Variants in BTAF1 observed in about 807,000 individuals in gnomAD.
BTAF1 encodes B-TFIID TATA-box binding protein associated factor 1, also known as TATA-binding protein-associated factor 172.
Under a neutral mutation model 227.1 loss-of-function variants are expected in BTAF1, and 38 were observed. The observed-to-expected ratio is 0.17, with a 90% CI of 0.13 to 0.22. The LOEUF (loss-of-function observed/expected upper bound fraction) is 0.22. Among genes scored for constraint, BTAF1 ranks in the 10% least tolerant of loss-of-function variants. BTAF1 has a pLI of 1.00. For missense variants in BTAF1, 1,598 were observed against 2,204.0 expected, an observed-to-expected ratio of 0.73 and a Z score of 5.51; for synonymous variants, 742 against 751.9, an observed-to-expected ratio of 0.99 and a Z score of 0.21.
At chr10:91,934,090 A>G (rs1734356552) in intron 1 of BTAF1, among the ~76,000 whole-genome samples, 1 of 152,232 alleles carries the variant, frequency 6.6e-6, no homozygotes, top group African/African-American at 2.4e-5. Context: ...TATGGTGTCA[A>G]AAGATTGGAT....
At chr10:91,976,082 C>T (rs1360049263) in intron 14 of BTAF1, among the ~76,000 whole-genome samples, 1 of 152,176 alleles carries the variant, frequency 6.6e-6, no homozygotes, top group Non-Finnish European at 1.5e-5. Flanking sequence ...AACTGGGTTC[C>T]CCTGACCCTC....
At chr10:91,945,989 T>C (rs1276841716) in intron 4 of BTAF1, among the ~76,000 whole-genome samples, 2 of 152,242 alleles carry the variant, frequency 1.3e-5, no homozygotes, top group Non-Finnish European at 2.9e-5. Flanking sequence ...ATGGATATGA[T>C]GTGGTAGTAT....
chr10:91,937,611 T>C (rs1844721338), intron 2 of BTAF1, among the ~76,000 whole-genome samples: 1 of 152,236 alleles, frequency 6.6e-6, no homozygotes, highest in Non-Finnish European at 1.5e-5. Context: ...TATTGTAGCA[T>C]GTATATTCAT....
chr10:91,971,960 A>C (rs1847336534), intron 14 of BTAF1, among the ~76,000 whole-genome samples: 1 of 152,132 alleles, frequency 6.6e-6, no homozygotes, highest in African/African-American at 2.4e-5. Context: ...GTCATAAAAA[A>C]TTTAAGTTAT....
chr10:91,936,972 C>T (rs906215185), intron 2 of BTAF1, among the ~76,000 whole-genome samples: 16 of 151,800 alleles, frequency 1.1e-4, no homozygotes, highest in South Asian at 2.1e-4. Flanking sequence ...CCTTTTTCCT[C>T]GGCTGTCAGC....
At position 91,989,483 on chromosome 10, in the gene BTAF1, T is replaced by C. The variant is rs375535159; in HGVS notation, c.2757T>C (p.Ile919=). Residue 919 remains isoleucine (I), a synonymous_variant, in exon 20 of 38, where the codon ATT becomes ATC. Coordinates refer to ENST00000265990, the MANE Select transcript of BTAF1 (RefSeq NM_003972.3). The part of the protein sequence containing the change: ...TTRTPCPNSK[I]IKNLCSSLCV... ...GGACGCCCTGTCCCAATTCAAAAATTATTAAAAACCTCTGTAGCTCACTTT... is the reference window on the plus strand; with the variant it reads ...GGACGCCCTGTCCCAATTCAAAAATCATTAAAAACCTCTGTAGCTCACTTT... 3.3e-5 allele frequency: 54 copies of C among 1,613,834 alleles called. No homozygotes were observed. Among genetic ancestry groups the C allele is most frequent in the Non-Finnish European group, 4.3e-5 (51 of 1,180,048 alleles).
At chr10:91,950,751 G>T (rs1589788738) in intron 4 of BTAF1, among the ~76,000 whole-genome samples, 2 of 150,818 alleles carry the variant, frequency 1.3e-5, no homozygotes, top group South Asian at 2.1e-4. Flanking sequence ...AAATCTAGAT[G>T]TTTTTTTAGC....
chr10:91,998,712 C>G (rs529773456), intron 25 of BTAF1, among the ~76,000 whole-genome samples: 1 of 152,202 alleles, frequency 6.6e-6, no homozygotes, highest in South Asian at 2.1e-4. Context: ...TTTGTTTATC[C>G]TGTCACCAGT....
rs1162936600 is a variant in BTAF1, at chr10:92,009,351, T to C, written c.4103+143T>C. 5 of 896,218 alleles carry C rather than the reference T, an allele frequency of 5.6e-6. No individual in the cohort carries two copies. The East Asian group carries it at 1.4e-4, about 24-fold the overall frequency. 55.5% of individuals were successfully genotyped at this position (896,218 alleles called of 1,614,324 possible). A position where few individuals can be genotyped will look rare whatever the true frequency, so the allele number is the denominator to read the frequency against. On this transcript the variant is annotated intron_variant, in intron 28 of 37. Coordinates refer to ENST00000265990, the MANE Select transcript of BTAF1 (RefSeq NM_003972.3). ...TTCACTTATGAAAAGTGAATGTACT[T>C]TGGGAAGATATAATCAGTGAGGCTC... is the stretch of plus-strand genomic sequence containing the variant.
chr10:91,964,492 A>G (rs1846740877), intron 13 of BTAF1, among the ~76,000 whole-genome samples: 1 of 152,158 alleles, frequency 6.6e-6, no homozygotes, highest in South Asian at 2.1e-4. Context: ...TAGTATTTCC[A>G]GTTCTAGTCC....
At chr10:91,965,301 G>A (rs559053624) in intron 13 of BTAF1, among the ~76,000 whole-genome samples, 1 of 152,266 alleles carries the variant, frequency 6.6e-6, no homozygotes, top group African/African-American at 2.4e-5. Flanking sequence ...TGTAAATCAA[G>A]GATTGGTAAT....
rs1849154510 is a variant in BTAF1 at position 91,996,467 on chromosome 10, A to T, written c.3408A>T (p.Ile1136=). Residue 1136 remains isoleucine (I), a synonymous_variant, in exon 24 of 38, where the codon ATA becomes ATT. Coordinates refer to ENST00000265990, the MANE Select transcript of BTAF1 (RefSeq NM_003972.3). ...GTTGTGTAGGTGTCATGAGCAAAAT[A>T]GCTACCATGGAAACAATGAATATTT... The part of the protein sequence containing the change: ...AARCVGVMSK[I]ATMETMNIFL... The T allele has an allele frequency of 1.2e-6, 2 of 1,614,184 alleles. No individual in the cohort carries two copies. The highest frequency in any genetic ancestry group is 4.5e-5 in the East Asian group (2 of 44,886).
rs1279870035 is a variant in BTAF1 at position 92,000,537 on chromosome 10, T to G, written c.3660+2786T>G. Among the ~76,000 whole-genome samples, 4 of 152,254 alleles carry G rather than the reference T, an allele frequency of 2.6e-5. No homozygotes were observed. In the East Asian group the frequency reaches 7.7e-4, roughly 29 times the overall value. On this transcript the variant is annotated intron_variant, in intron 25 of 37. Transcript: ENST00000265990. ...ACTCTAATGCTTAGCAGTAGTCTTT[T>G]GGGGTTTTCTTGGTTGTTTTTTGTT...
chr10:92,001,641 C>T lies in BTAF1; in HGVS notation c.3660+3890C>T, dbSNP rs536983892. On this transcript the variant is annotated intron_variant, in intron 25 of 37. Transcript: ENST00000265990. ...ACTAAATAGTTCCCAGAAAAAAAAG[C>T]CTCAACATATTTAAAGGAATAATTT... Among the ~76,000 whole-genome samples, 277 of 151,994 alleles carry T rather than the reference C, an allele frequency of 1.8e-3. 1 individual carries two copies. Among genetic ancestry groups the T allele is most frequent in the African/African-American group, 6.5e-3 (271 of 41,452 alleles).
chr10:91,975,023 A>AAT (rs974557887), intron 14 of BTAF1, among the ~76,000 whole-genome samples: 5 of 152,122 alleles, frequency 3.3e-5, no homozygotes, highest in African/African-American at 2.4e-5. Context: ...TACACCTATT[A>AAT]ATATATATAT....
rs545688245 is a variant in BTAF1, at chr10:91,987,232, C to T, written c.2428-1922C>T. 1.9e-3 allele frequency among the ~76,000 whole-genome samples: 290 copies of T among 151,962 alleles called. 2 individuals carry two copies. The highest frequency in any genetic ancestry group is 6.8e-3 in the African/African-American group (283 of 41,406). On this transcript the variant is annotated intron_variant, in intron 19 of 37. Coordinates refer to ENST00000265990, the MANE Select transcript of BTAF1 (RefSeq NM_003972.3). ...GGCGCAGTGGCTCACGCCTGTAATC[C>T]CAGCACTTTGGGAGGCCGAGGTGGG...
At chr10:91,973,393 A>G (rs545062598) in intron 14 of BTAF1, among the ~76,000 whole-genome samples, 1 of 152,342 alleles carries the variant, frequency 6.6e-6, no homozygotes, top group Non-Finnish European at 1.5e-5. Context: ...AATGCTATAC[A>G]AGTATAAATA....
intron 4 of BTAF1, among the ~76,000 whole-genome samples, chr10:91,945,294 T>G (rs1292792370): frequency 2.6e-5 from 4 of 152,198 alleles, no homozygotes; most frequent in Non-Finnish European, 1.5e-5. Flanking sequence ...TTTTAAATTG[T>G]GGTAAAATAT....
intron 1 of BTAF1, among the ~76,000 whole-genome samples, chr10:91,930,123 T>C (rs371498762): frequency 6.6e-6 from 1 of 152,164 alleles, no homozygotes; most frequent in East Asian, 1.9e-4. Context: ...AAAAATACAC[T>C]TTAAAATGTA....
Sources: allele counts gnomAD v4.1 joint callset (sites outside exome capture counted in the v4.1 genomes callset), GRCh38; gene constraint gnomAD v4.1.1; transcripts MANE v1.5; gene names NCBI Gene and HGNC (gene_info 2026-07-23, HGNC 2026-07-21).